The following GPC5 variants were observed in gnomAD, a reference collection of about 807,000 sequenced individuals.
GPC5 encodes the protein glypican 5, also known as glypican-5.
A neutral mutation model predicts 53.9 loss-of-function variants in GPC5; 47 were observed. The observed-to-expected ratio is 0.87, with a 90% CI of 0.69 to 1.11. The LOEUF (loss-of-function observed/expected upper bound fraction) is 1.11. Among genes scored for constraint, GPC5 ranks in the 50% most tolerant of loss-of-function variants. The probability of loss-of-function intolerance (pLI) is 0.00; values close to 1 mark genes in which losing one functional copy is unlikely to be tolerated. For synonymous variants in GPC5, 286 were observed against 263.3 expected (o/e 1.09, Z -0.84); for missense variants, 748 against 713.1 (o/e 1.05, Z -0.56).
At chr13:92,031,345 A>G (rs2040839848) in intron 6 of GPC5, among the ~76,000 whole-genome samples, 1 of 152,132 alleles carries the variant, frequency 6.6e-6, no homozygotes, top group Non-Finnish European at 1.5e-5. Flanking sequence ...TCACAAAGGT[A>G]TAGAAAACCA....
intron 2 of GPC5, among the ~76,000 whole-genome samples, chr13:91,474,924 G>T (rs577993185): frequency 6.6e-6 from 1 of 152,060 alleles, no homozygotes; most frequent in East Asian, 1.9e-4. Flanking sequence ...AAGTCCATAA[G>T]GATAATATAT....
chr13:91,608,813 A>T (rs933133690), intron 2 of GPC5, among the ~76,000 whole-genome samples: 1 of 151,964 alleles, frequency 6.6e-6, no homozygotes, highest in South Asian at 2.1e-4. Context: ...CCAAACTGGG[A>T]TGATCTGAGC....
At chr13:91,981,477 G>A (rs774930203) in intron 6 of GPC5, among the ~76,000 whole-genome samples, 1 of 152,162 alleles carries the variant, frequency 6.6e-6, no homozygotes. Context: ...TTTTAGTACA[G>A]ACTGGGTTTC....
At chr13:92,098,958 C>CTTT (rs10633643) in intron 6 of GPC5, among the ~76,000 whole-genome samples, 15 of 143,142 alleles carry the variant, frequency 1.0e-4, no homozygotes, top group African/African-American at 3.1e-4. Context: ...TTGTTCTTGC[C>CTTT]TTTTTTTTTT....
intron 7 of GPC5, among the ~76,000 whole-genome samples, chr13:92,576,558 A>G (rs78381045): frequency 0.012 from 1,809 of 152,312 alleles, 39 homozygotes; most frequent in African/African-American, 0.041. Flanking sequence ...CTTTGATGTC[A>G]GAGCCTGAAA....
At chr13:91,680,148 C>T (rs1375191686) in intron 2 of GPC5, among the ~76,000 whole-genome samples, 1 of 152,036 alleles carries the variant, frequency 6.6e-6, no homozygotes, top group African/African-American at 2.4e-5. Flanking sequence ...TGACAGTTTC[C>T]AGTACTTAAA....
chr13:92,318,733 C>G (rs555172430), intron 7 of GPC5, among the ~76,000 whole-genome samples: 1 of 152,066 alleles, frequency 6.6e-6, no homozygotes, highest in Non-Finnish European at 1.5e-5. Context: ...TTGGTCTTTG[C>G]TTCTCATGTT....
At chr13:92,142,158 G>T (rs2041836554) in intron 6 of GPC5, among the ~76,000 whole-genome samples, 1 of 152,140 alleles carries the variant, frequency 6.6e-6, no homozygotes, top group Non-Finnish European at 1.5e-5. Flanking sequence ...TATCAAACCT[G>T]CACGTTGTGC....
chr13:92,106,051 C>T lies in GPC5; in HGVS notation c.1402-38779C>T, dbSNP rs549065005. Among the ~76,000 whole-genome samples the T allele has an allele frequency of 5.9e-5, 9 of 152,080 alleles. No homozygotes were observed. The East Asian group carries it at 1.7e-3, about 29-fold the overall frequency. On this transcript the variant is annotated intron_variant, in intron 6 of 7. Transcript: ENST00000377067. Reference sequence around the variant, plus strand: ...TATGTACCAGTGATTCATTCCTTTTCATTTTGTGTAGCACCCTGTTTAATT... The same window carrying T: ...TATGTACCAGTGATTCATTCCTTTTTATTTTGTGTAGCACCCTGTTTAATT...
At chr13:91,826,602 T>C (rs894254997) in intron 5 of GPC5, among the ~76,000 whole-genome samples, 15 of 152,064 alleles carry the variant, frequency 9.9e-5, no homozygotes, top group Non-Finnish European at 2.2e-4. Context: ...GAAAATGATG[T>C]CTATAATTGA....
intron 7 of GPC5, among the ~76,000 whole-genome samples, chr13:92,827,644 T>C (rs1012853802): frequency 1.3e-5 from 2 of 152,178 alleles, no homozygotes; most frequent in African/African-American, 4.8e-5. Context: ...GAGTTACTGC[T>C]GAGACAGCAG....
At chr13:92,202,699 G>A (rs1009299941) in intron 7 of GPC5, among the ~76,000 whole-genome samples, 2 of 152,082 alleles carry the variant, frequency 1.3e-5, no homozygotes, top group Non-Finnish European at 1.5e-5. Flanking sequence ...ACATTTTATT[G>A]TACTGGGTTC....
chr13:92,664,456 A>G (rs1886503899), intron 7 of GPC5, among the ~76,000 whole-genome samples: 1 of 151,388 alleles, frequency 6.6e-6, no homozygotes, highest in Non-Finnish European at 1.5e-5. Context: ...TTTCCAAATT[A>G]TCCATGTTGA....
chr13:92,393,916 GA>G (rs1278168619), intron 7 of GPC5, among the ~76,000 whole-genome samples: 1 of 151,544 alleles, frequency 6.6e-6, no homozygotes, highest in South Asian at 2.2e-4. Context: ...TTTTCCTTGA[GA>G]TTTTTTTATC....
At chr13:92,642,376 C>T (rs1180701005) in intron 7 of GPC5, among the ~76,000 whole-genome samples, 1 of 152,172 alleles carries the variant, frequency 6.6e-6, no homozygotes, top group Non-Finnish European at 1.5e-5. Flanking sequence ...GATATAGCCT[C>T]CTCTTGGCGG....
chr13:92,077,317 A>G (rs925800372), intron 6 of GPC5, among the ~76,000 whole-genome samples: 4 of 152,052 alleles, frequency 2.6e-5, no homozygotes, highest in Admixed American at 6.5e-5. Flanking sequence ...CTTCATCAAC[A>G]CCTGTTCTAT....
At position 91,689,194 on chromosome 13, in the gene GPC5, T is replaced by TAC. The variant is rs142158703; in HGVS notation, c.326-3992_326-3991insCA. Among the ~76,000 whole-genome samples the TAC allele has an allele frequency of 4.3e-4, 41 of 94,478 alleles. 1 individual carries two copies. In the East Asian group the frequency reaches 9.5e-3, roughly 22 times the overall value. The allele number at this position is 94,478 out of a possible 152,430, so 62.0% of individuals were successfully genotyped here. A position where few individuals can be genotyped will look rare whatever the true frequency, so the allele number is the denominator to read the frequency against. Reference sequence around the variant, plus strand: ...AAAAAATCATATATAAATATATATATATATATATATATATATATATATATA... The same window carrying TAC: ...AAAAAATCATATATAAATATATATATACATATATATATATATATATATATATA... On this transcript the variant is annotated intron_variant, in intron 2 of 7. Transcript: ENST00000377067.
chr13:91,962,795 TG>T (rs2040138169), intron 6 of GPC5, among the ~76,000 whole-genome samples: 1 of 152,226 alleles, frequency 6.6e-6, no homozygotes, highest in Non-Finnish European at 1.5e-5. Flanking sequence ...GAAATGATTC[TG>T]CTGGTAACAA....
intron 7 of GPC5, among the ~76,000 whole-genome samples, chr13:92,206,703 C>G (rs2042340455): frequency 6.6e-6 from 1 of 152,024 alleles, no homozygotes; most frequent in African/African-American, 2.4e-5. Context: ...ATAATCTTAC[C>G]AACAAGGCCA....
Sources: allele counts gnomAD v4.1 joint callset (sites outside exome capture counted in the v4.1 genomes callset), GRCh38; gene constraint gnomAD v4.1.1; transcripts MANE v1.5; gene names NCBI Gene and HGNC (gene_info 2026-07-23, HGNC 2026-07-21).